UBE4B: variants seen among roughly 807,000 people sequenced by gnomAD.
The protein encoded by UBE4B is ubiquitin conjugation factor E4 B.
Under a neutral mutation model 148.1 loss-of-function variants are expected in UBE4B, and 27 were observed. The observed-to-expected ratio is 0.18, with a 90% CI of 0.13 to 0.25. UBE4B has a LOEUF of 0.25. Ranked by LOEUF, UBE4B falls within the 10% of genes least tolerant of loss-of-function variation. UBE4B has a pLI of 1.00. For synonymous variants in UBE4B, 596 were observed against 619.3 expected (o/e 0.96, Z 0.56); for missense variants, 1,170 against 1,662.4 (o/e 0.70, Z 5.15).
At chr1:10,145,900 T>C (rs1006653375) in intron 18 of UBE4B, among the ~76,000 whole-genome samples, 3 of 152,222 alleles carry the variant, frequency 2.0e-5, no homozygotes, top group Admixed American at 6.5e-5. Flanking sequence ...AAATAAAGCA[T>C]AGATAGCAAA....
chr1:10,175,481 C>G (rs544961714), intron 25 of UBE4B, among the ~76,000 whole-genome samples: 2 of 147,278 alleles, frequency 1.4e-5, no homozygotes, highest in East Asian at 2.0e-4. Flanking sequence ...GAAACCCCAT[C>G]TCTACTAAAA....
At chr1:10,095,112 C>G (rs1367833995) in intron 2 of UBE4B, among the ~76,000 whole-genome samples, 1 of 152,072 alleles carries the variant, frequency 6.6e-6, no homozygotes, top group Non-Finnish European at 1.5e-5. Flanking sequence ...GGGCGCATTT[C>G]AAGGATTTTT....
chr1:10,166,626 A>G (rs1646250083), intron 23 of UBE4B, among the ~76,000 whole-genome samples: 1 of 152,012 alleles, frequency 6.6e-6, no homozygotes, highest in African/African-American at 2.4e-5. Context: ...CATCTCTACT[A>G]AAAATACAAA....
chr1:10,153,783 A>G (rs1646020179), intron 21 of UBE4B, among the ~76,000 whole-genome samples: 1 of 151,942 alleles, frequency 6.6e-6, no homozygotes, highest in South Asian at 2.1e-4. Context: ...CCCCGTCTCT[A>G]CTAAAAATAC....
intron 1 of UBE4B, among the ~76,000 whole-genome samples, chr1:10,035,400 T>TG (rs1643474571): frequency 7.4e-6 from 1 of 135,256 alleles, no homozygotes; most frequent in African/African-American, 2.8e-5. Context: ...TTTTTTTTTT[T>TG]TTTTTTTTTT....
rs34197778 is a variant in UBE4B, at chr1:10,181,077, T to TA, written c.*1134dup. The TA allele has an allele frequency of 1.0e-3, 150 of 145,524 alleles. No homozygotes were observed. The highest frequency in any genetic ancestry group is 2.6e-3 in the African/African-American group (104 of 39,980). The allele number at this position is 145,524 out of a possible 1,614,324, so 9.0% of individuals were successfully genotyped here. A position where few individuals can be genotyped will look rare whatever the true frequency, so the allele number is the denominator to read the frequency against. On this transcript the variant is annotated 3_prime_UTR_variant, in exon 28 of 28. Transcript: ENST00000343090. ...TTGAATTCTCAAATTTCCTTTGGGG[T>TA]AAAAAAAAAAAAAGGATTTGAAACC...
At chr1:10,087,072 C>T (rs539780952) in intron 2 of UBE4B, among the ~76,000 whole-genome samples, 1 of 152,098 alleles carries the variant, frequency 6.6e-6, no homozygotes, top group Non-Finnish European at 1.5e-5. Context: ...TGGAGTTTGC[C>T]CTGATTTCTC....
intron 17 of UBE4B, among the ~76,000 whole-genome samples, chr1:10,140,260 G>A (rs984261096): frequency 1.3e-5 from 2 of 152,010 alleles, no homozygotes; most frequent in African/African-American, 4.8e-5. Flanking sequence ...TAGGTTCTTA[G>A]GGTATTTGTC....
At chr1:10,157,349 C>T (rs1474441402) in intron 21 of UBE4B, among the ~76,000 whole-genome samples, 1 of 152,006 alleles carries the variant, frequency 6.6e-6, no homozygotes. Flanking sequence ...GTGGTGGATA[C>T]ACCTCCAGTC....
chr1:10,179,840 C>CT, intron 27 of UBE4B, 55 bp from the exon 28 acceptor site: 3 of 1,600,228 alleles, frequency 1.9e-6, no homozygotes, highest in Non-Finnish European at 2.6e-6. Flanking sequence ...AGCATCCTCT[C>CT]TCAGGAAGAG....
At chr1:10,147,134 GCT>G (rs1645887226) in intron 19 of UBE4B, 44 bp downstream of exon 19, 1 of 1,611,996 alleles carries the variant, frequency 6.2e-7, no homozygotes, top group South Asian at 1.1e-5. Flanking sequence ...CCTTGGCTGG[GCT>G]CTGTTGTCTT....
At chr1:10,044,254 CTTG>C (rs2101779734) in intron 1 of UBE4B, among the ~76,000 whole-genome samples, 1 of 151,772 alleles carries the variant, frequency 6.6e-6, no homozygotes, top group Non-Finnish European at 1.5e-5. Flanking sequence ...GGGTTTTACT[CTTG>C]TTGTCCAGGC....
At chr1:10,080,369 A>G (rs957197221) in intron 2 of UBE4B, among the ~76,000 whole-genome samples, 1 of 151,818 alleles carries the variant, frequency 6.6e-6, no homozygotes, top group Admixed American at 6.6e-5. Flanking sequence ...GCAGTGAGCC[A>G]AGATCCCACC....
chr1:10,079,856 G>A (rs1644647710), intron 2 of UBE4B, among the ~76,000 whole-genome samples: 1 of 152,112 alleles, frequency 6.6e-6, no homozygotes, highest in African/African-American at 2.4e-5. Context: ...GACTCAAATG[G>A]TCTTCATCCT....
At chr1:10,042,996 C>CA (rs1056489720) in intron 1 of UBE4B, among the ~76,000 whole-genome samples, 1 of 151,366 alleles carries the variant, frequency 6.6e-6, no homozygotes, top group African/African-American at 2.4e-5. Flanking sequence ...GAGGTAAAGT[C>CA]ATTCATTCTT....
intron 9 of UBE4B, 51 bp downstream of exon 9, chr1:10,119,664 G>A (rs376728282): frequency 3.3e-5 from 51 of 1,537,582 alleles, no homozygotes; most frequent in Non-Finnish European, 4.1e-5. Flanking sequence ...AGCCCTAGCC[G>A]TCAGTGGACA....
chr1:10,074,230 TC>T (rs1317021390), intron 2 of UBE4B, among the ~76,000 whole-genome samples: 2 of 152,078 alleles, frequency 1.3e-5, no homozygotes, highest in Non-Finnish European at 2.9e-5. Flanking sequence ...GCACAAATTG[TC>T]CCTGCTGCTG....
chr1:10,117,390 C>T, intron 7 of UBE4B, 69 bp from the exon 8 acceptor site: 3 of 1,599,936 alleles, frequency 1.9e-6, no homozygotes, highest in Non-Finnish European at 2.6e-6. Context: ...CTTTCTGCTG[C>T]AGAAATGCAA....
At chr1:10,123,175 A>T (rs1645436834) in intron 10 of UBE4B, among the ~76,000 whole-genome samples, 1 of 152,256 alleles carries the variant, frequency 6.6e-6, no homozygotes, top group South Asian at 2.1e-4. Context: ...TCACGCCTGT[A>T]ATCTCAACAC....
Sources: allele counts gnomAD v4.1 joint callset (sites outside exome capture counted in the v4.1 genomes callset), GRCh38; gene constraint gnomAD v4.1.1; transcripts MANE v1.5; gene names NCBI Gene and HGNC (gene_info 2026-07-23, HGNC 2026-07-21).